PEBP4: variants seen among roughly 807,000 people sequenced by gnomAD.
PEBP4 encodes the protein phosphatidylethanolamine-binding protein 4.
In PEBP4, 22 loss-of-function variants were observed where a neutral mutation model predicts 23.9. The ratio of observed to expected loss-of-function variants is 0.92; its 90% CI spans 0.66 to 1.31. The LOEUF (loss-of-function observed/expected upper bound fraction) is 1.31, where lower values mean the gene tolerates loss of function less well. Ranked by LOEUF, PEBP4 falls within the 40% of genes most tolerant of loss-of-function variation. PEBP4 has a pLI of 0.00. For missense variants in PEBP4, 324 were observed against 281.7 expected (o/e 1.15, Z -1.07); for synonymous variants, 112 against 99.3 (o/e 1.13, Z -0.76).
intron 3 of PEBP4, among the ~76,000 whole-genome samples, chr8:22,860,553 C>T (rs1807755923): frequency 1.3e-5 from 2 of 152,224 alleles, no homozygotes; most frequent in Admixed American, 6.5e-5. Flanking sequence ...GTAGCATGGG[C>T]CAGAATTTCC....
chr8:22,930,323 A>T (rs942831045), upstream of PEBP4, among the ~76,000 whole-genome samples: 6 of 152,190 alleles, frequency 3.9e-5, no homozygotes, highest in Non-Finnish European at 8.8e-5. Flanking sequence ...CCTAGGGTCC[A>T]TCAGATTCCT....
chr8:22,845,328 G>A (rs1179471707), intron 3 of PEBP4, among the ~76,000 whole-genome samples: 3 of 149,328 alleles, frequency 2.0e-5, no homozygotes. Flanking sequence ...GAGCCCAGGA[G>A]TTTGAGACCA....
intron 4 of PEBP4, among the ~76,000 whole-genome samples, chr8:22,753,857 G>A (rs1023211973): frequency 3.9e-5 from 6 of 152,214 alleles, no homozygotes; most frequent in African/African-American, 1.4e-4. Flanking sequence ...ATGGGCTACC[G>A]CCTGGACAGC....
At chr8:22,825,164 T>C (rs1806940295) in intron 3 of PEBP4, among the ~76,000 whole-genome samples, 1 of 152,250 alleles carries the variant, frequency 6.6e-6, no homozygotes, top group South Asian at 2.1e-4. Flanking sequence ...GTTTGGCAGA[T>C]GTGGCAAAGG....
In PEBP4 at chr8:22,824,053, A is replaced by C. The variant is rs183840493; in HGVS notation, c.259-6318T>G. ...TCTATAATGTCATTGTCTATTTTTTAAAAAGGAGAGAAGACCAAAACCACA... is the reference window on the plus strand; with the variant it reads ...TCTATAATGTCATTGTCTATTTTTTCAAAAGGAGAGAAGACCAAAACCACA... On this transcript the variant is annotated intron_variant, in intron 3 of 6. Transcript: ENST00000256404. Among the ~76,000 whole-genome samples the C allele has an allele frequency of 1.5e-3, 226 of 152,284 alleles. 4 individuals carry two copies. Among genetic ancestry groups the C allele is most frequent in the African/African-American group, 5.3e-3 (220 of 41,566 alleles).
chr8:22,797,253 C>CAAA (rs57749113), intron 4 of PEBP4, among the ~76,000 whole-genome samples: 2 of 114,398 alleles, frequency 1.7e-5, no homozygotes, highest in Non-Finnish European at 3.7e-5. Context: ...AACTCTGTCT[C>CAAA]AAAAAAAAAA....
At chr8:22,911,167 T>C (rs1304970229) in intron 3 of PEBP4, among the ~76,000 whole-genome samples, 3 of 152,174 alleles carry the variant, frequency 2.0e-5, no homozygotes, top group Non-Finnish European at 4.4e-5. Flanking sequence ...TTTCCTCGCC[T>C]GTAAAACAGA....
chr8:22,853,846 G>A (rs1807591680), intron 3 of PEBP4, among the ~76,000 whole-genome samples: 1 of 152,144 alleles, frequency 6.6e-6, no homozygotes, highest in Non-Finnish European at 1.5e-5. Flanking sequence ...GGAGGAGTTG[G>A]GATCTGCAGA....
intron 4 of PEBP4, among the ~76,000 whole-genome samples, chr8:22,739,358 G>T (rs1196709201): frequency 1.3e-5 from 2 of 152,316 alleles, no homozygotes; most frequent in African/African-American, 4.8e-5. Flanking sequence ...AACTCAACTG[G>T]AGAGAAGAGA....
At chr8:22,835,985 T>G (rs989720600) in intron 3 of PEBP4, among the ~76,000 whole-genome samples, 3 of 152,240 alleles carry the variant, frequency 2.0e-5, no homozygotes, top group Admixed American at 2.0e-4. Context: ...AACAGTGTGA[T>G]GCAGGGAAAA....
intron 4 of PEBP4, among the ~76,000 whole-genome samples, chr8:22,817,039 G>C (rs1026510843): frequency 3.3e-5 from 5 of 152,210 alleles, no homozygotes; most frequent in African/African-American, 1.2e-4. Flanking sequence ...CAAGCCACCA[G>C]ATTTGAGGAC....
chr8:22,939,725 T>G (rs1404989804), intron 1 of PEBP4, among the ~76,000 whole-genome samples: 1 of 151,802 alleles, frequency 6.6e-6, no homozygotes, highest in Non-Finnish European at 1.5e-5. Flanking sequence ...TCCCAACAAT[T>G]TTATTACCCA....
At chr8:22,848,537 C>T (rs1807487547) in intron 3 of PEBP4, among the ~76,000 whole-genome samples, 1 of 152,128 alleles carries the variant, frequency 6.6e-6, no homozygotes, top group African/African-American at 2.4e-5. Flanking sequence ...GTGACAGGAG[C>T]TGTGCTGTCT....
chr8:22,904,534 T>C (rs1301152738), intron 3 of PEBP4, among the ~76,000 whole-genome samples: 1 of 152,198 alleles, frequency 6.6e-6, no homozygotes, highest in Non-Finnish European at 1.5e-5. Flanking sequence ...TTTTTCCTTC[T>C]TATTAAAGTA....
intron 4 of PEBP4, among the ~76,000 whole-genome samples, chr8:22,732,206 G>A (rs1361692528): frequency 6.6e-6 from 1 of 152,122 alleles, no homozygotes; most frequent in Non-Finnish European, 1.5e-5. Context: ...TCAACATCCT[G>A]TGGAGATGGG....
chr8:22,858,264 A>C (rs545571347), intron 3 of PEBP4, among the ~76,000 whole-genome samples: 1 of 152,324 alleles, frequency 6.6e-6, no homozygotes, highest in South Asian at 2.1e-4. Flanking sequence ...GGGCAGCAAA[A>C]TAGTGACGGC....
chr8:22,825,320 C>G (rs1585293533), intron 3 of PEBP4, among the ~76,000 whole-genome samples: 1 of 152,198 alleles, frequency 6.6e-6, no homozygotes. Context: ...AGCACGTCTT[C>G]CTTCTGGCCG....
chr8:22,851,822 T>C (rs570267006), intron 3 of PEBP4, among the ~76,000 whole-genome samples: 89 of 152,108 alleles, frequency 5.9e-4, no homozygotes, highest in Non-Finnish European at 1.0e-3. Flanking sequence ...CCGGATGCAC[T>C]GCAATTGAGT....
At chr8:22,841,690 C>T (rs1424787994) in intron 3 of PEBP4, among the ~76,000 whole-genome samples, 2 of 152,234 alleles carry the variant, frequency 1.3e-5, no homozygotes, top group Non-Finnish European at 2.9e-5. Context: ...AGAAAGTTGG[C>T]AGCCCTGTGC....
Sources: gnomAD v4.1 joint callset for allele counts (sites outside exome capture counted in the v4.1 genomes callset) on GRCh38, gnomAD v4.1.1 for gene constraint, MANE v1.5 for transcripts, NCBI Gene and HGNC (gene_info 2026-07-23, HGNC 2026-07-21) for gene names.